The following PI4KA variants were observed in gnomAD, a reference collection of about 807,000 sequenced individuals.
The protein encoded by PI4KA is phosphatidylinositol 4-kinase alpha.
Under a neutral mutation model 271.4 loss-of-function variants are expected in PI4KA, and 122 were observed. The ratio of observed to expected loss-of-function variants is 0.45; its 90% confidence interval spans 0.39 to 0.52. The LOEUF is 0.52. PI4KA is among the 20% of genes least tolerant of loss of function. PI4KA has a pLI of 0.00. For missense variants in PI4KA, 1,969 were observed against 2,769.1 expected, an observed-to-expected ratio of 0.71 and a Z score of 6.48; for synonymous variants, 1,041 against 1,078.8, an observed-to-expected ratio of 0.96 and a Z score of 0.69.
At chr22:20,761,229 A>C (rs1931933868) in intron 23 of PI4KA, 75 bp downstream of exon 23, 1 of 832,164 alleles carries the variant, frequency 1.2e-6, no homozygotes, top group Admixed American at 1.8e-5. Context: ...ATGTAGACAG[A>C]AAAGAGGAAG....
chr22:20,850,814 G>A (rs1168819461), intron 1 of PI4KA, among the ~76,000 whole-genome samples: 1 of 152,100 alleles, frequency 6.6e-6, no homozygotes, highest in Admixed American at 6.6e-5. Flanking sequence ...GCTGAGGTGA[G>A]TGGATCACTT....
intron 28 of PI4KA, among the ~76,000 whole-genome samples, 192 bp downstream of exon 28, chr22:20,749,713 C>T (rs1930470471): frequency 6.6e-6 from 1 of 152,268 alleles, no homozygotes; most frequent in Non-Finnish European, 1.5e-5. Context: ...CCCTGGCCAG[C>T]ACTGGCCCCA....
In PI4KA at chr22:20,819,865, CTA is replaced by C; in HGVS notation, c.563_564del (p.Ile188ArgfsTer36). The C allele has an allele frequency of 6.2e-7, 1 of 1,613,992 alleles. No homozygotes were observed. Among genetic ancestry groups the C allele is most frequent in the Non-Finnish European group, 8.5e-7 (1 of 1,179,838 alleles). On this transcript the variant is annotated frameshift_variant, in exon 6 of 55. Coordinates refer to ENST00000255882, the MANE Select transcript of PI4KA (RefSeq NM_058004.4). LOFTEE classifies it high-confidence loss of function. Reference protein sequence around the residue: ...YLCKYAIPCLIGISRAFGRYS... With the variant: ...YLCKYAIPCLXGISRAFGRYS... ...TAACGCCCAAATGCTCGCGAGATTCCTATCAGGCATGGGATAGCATACTTGCA... is the reference window on the plus strand; with the variant it reads ...TAACGCCCAAATGCTCGCGAGATTCCTCAGGCATGGGATAGCATACTTGCA...
At chr22:20,845,985 C>T (rs1926186964) in intron 1 of PI4KA, among the ~76,000 whole-genome samples, 1 of 152,156 alleles carries the variant, frequency 6.6e-6, no homozygotes, top group Non-Finnish European at 1.5e-5. Flanking sequence ...CAGCCGGGCG[C>T]TGTGGCTCAC....
chr22:20,744,199 T>C (rs1398910101), intron 30 of PI4KA, among the ~76,000 whole-genome samples: 1 of 152,204 alleles, frequency 6.6e-6, no homozygotes, highest in African/African-American at 2.4e-5. Flanking sequence ...GCCCACGATG[T>C]GGAGTTGGAA....
chr22:20,760,732 T>C (rs190661313), intron 23 of PI4KA, among the ~76,000 whole-genome samples: 157 of 152,330 alleles, frequency 1.0e-3, no homozygotes, highest in Middle Eastern at 3.4e-3. Flanking sequence ...AACATTTTTA[T>C]GCCTTCCTAC....
chr22:20,795,508 C>T (rs1441870693), intron 18 of PI4KA, among the ~76,000 whole-genome samples: 1 of 152,134 alleles, frequency 6.6e-6, no homozygotes, highest in Non-Finnish European at 1.5e-5. Flanking sequence ...CCAAAAGACA[C>T]CCCTCTACGC....
intron 27 of PI4KA, among the ~76,000 whole-genome samples, chr22:20,750,516 G>C (rs1413902218): frequency 6.6e-6 from 1 of 152,248 alleles, no homozygotes; most frequent in Non-Finnish European, 1.5e-5. Context: ...CCTGGGGCCA[G>C]GAAGCCCACA....
At chr22:20,845,880 A>G (rs988246456) in intron 1 of PI4KA, among the ~76,000 whole-genome samples, 5 of 151,796 alleles carry the variant, frequency 3.3e-5, no homozygotes, top group Non-Finnish European at 7.4e-5. Flanking sequence ...ATACAAAATA[A>G]AAAAGATGCT....
At chr22:20,719,118 A>C (rs956669332) in intron 43 of PI4KA, among the ~76,000 whole-genome samples, 2 of 152,162 alleles carry the variant, frequency 1.3e-5, no homozygotes, top group African/African-American at 4.8e-5. Flanking sequence ...CGTGTCATTT[A>C]TGAATGTCAC....
intron 42 of PI4KA, among the ~76,000 whole-genome samples, chr22:20,723,216 T>A (rs1926951492): frequency 6.6e-6 from 1 of 151,408 alleles, no homozygotes; most frequent in African/African-American, 2.4e-5. Flanking sequence ...GAGACGGGGT[T>A]TCACCGTGTT....
At chr22:20,813,227 C>A (rs1257765024) in intron 8 of PI4KA, 131 bp downstream of exon 8, 2 of 667,766 alleles carry the variant, frequency 3.0e-6, no homozygotes, top group Non-Finnish European at 5.2e-6. Context: ...CATTAATCTG[C>A]AAGTTTATGA....
intron 19 of PI4KA, 47 bp downstream of exon 19, chr22:20,793,146 T>C (rs1319334582): frequency 4.5e-6 from 5 of 1,117,706 alleles, no homozygotes; most frequent in African/African-American, 3.1e-5. Context: ...ACTTAAAGCA[T>C]GAACACAGTA....
chr22:20,848,756 T>C (rs1480988740), intron 1 of PI4KA, among the ~76,000 whole-genome samples: 2 of 152,078 alleles, frequency 1.3e-5, no homozygotes. Context: ...GGTGTAAGTC[T>C]TTGTGACCTT....
At position 20,765,640 on chromosome 22, in the gene PI4KA, G is replaced by A; in HGVS notation, c.2382C>T (p.Leu794=). 1.2e-6 allele frequency: 2 copies of A among 1,611,678 alleles called. No homozygotes were observed. Among genetic ancestry groups the A allele is most frequent in the Non-Finnish European group, 1.7e-6 (2 of 1,177,884 alleles). ...IKEAKPRLQK[L]FRDFWLYSVL... Reference sequence around the variant, plus strand: ...CGGAATACAGCCAGAAGTCTCGGAAGAGCTTCTGTAACCGAGGCTTAGCTT... The same window carrying A: ...CGGAATACAGCCAGAAGTCTCGGAAAAGCTTCTGTAACCGAGGCTTAGCTT... The change falls in exon 20 of 55, where the codon CTC becomes CTT. Residue 794 remains leucine, a synonymous_variant. Transcript: ENST00000255882.
chr22:20,786,828 C>T (rs183571304), intron 19 of PI4KA: 13 of 1,572,284 alleles, frequency 8.3e-6, no homozygotes, highest in Non-Finnish European at 1.1e-5. Flanking sequence ...AACTCTAGCC[C>T]TCTGTGTGCT....
chr22:20,773,021 G>T (rs118039388), intron 19 of PI4KA, among the ~76,000 whole-genome samples: 1 of 151,972 alleles, frequency 6.6e-6, no homozygotes, highest in Non-Finnish European at 1.5e-5. Context: ...AGCTCGGGAG[G>T]TTGAGGCTGC....
At chr22:20,755,142 T>C (rs1931142155) in intron 23 of PI4KA, among the ~76,000 whole-genome samples, 1 of 152,198 alleles carries the variant, frequency 6.6e-6, no homozygotes, top group Non-Finnish European at 1.5e-5. Context: ...TTCAGCCTTT[T>C]TCCCCATTTT....
chr22:20,814,010 GCT>G (rs1237398316), intron 7 of PI4KA, among the ~76,000 whole-genome samples: 2 of 152,148 alleles, frequency 1.3e-5, no homozygotes, highest in Non-Finnish European at 2.9e-5. Flanking sequence ...TGTTGGCCAG[GCT>G]AGTCTCGAAC....
Sources: allele counts gnomAD v4.1 joint callset (sites outside exome capture counted in the v4.1 genomes callset), GRCh38; gene constraint gnomAD v4.1.1; transcripts MANE v1.5; gene names NCBI Gene and HGNC (gene_info 2026-07-23, HGNC 2026-07-21).